ZNF35: variants seen among roughly 807,000 people sequenced by gnomAD.
ZNF35 encodes the protein zinc finger protein 35.
In ZNF35, 31 loss-of-function variants were observed where a neutral mutation model predicts 45.9. The ratio of observed to expected loss-of-function variants is 0.68; its 90% confidence interval spans 0.51 to 0.91. The LOEUF is 0.91. ZNF35 is among the 40% of genes least tolerant of loss of function. The pLI is 0.00. For missense variants in ZNF35, 515 were observed against 625.4 expected (o/e 0.82, Z 1.88); for synonymous variants, 205 against 220.2 (o/e 0.93, Z 0.61).
intron 3 of ZNF35, among the ~76,000 whole-genome samples, chr3:44,656,845 GCAC>G (rs947010372): frequency 3.3e-5 from 5 of 149,498 alleles, no homozygotes; most frequent in African/African-American, 9.9e-5. Context: ...CTACAGGCAT[GCAC>G]CACCACACCT....
intron 3 of ZNF35, among the ~76,000 whole-genome samples, chr3:44,656,237 C>A (rs1354013583): frequency 6.6e-6 from 1 of 151,766 alleles, no homozygotes; most frequent in African/African-American, 2.4e-5. Flanking sequence ...GATGAAGAGT[C>A]AGTAGGGGGT....
rs1226960586 is a variant in ZNF35, at chr3:44,658,678, G to C, written c.338-23G>C. 4.2e-5 allele frequency: 65 copies of C among 1,537,266 alleles called. 1 individual carries two copies. The Admixed American group carries it at 7.7e-4, about 18-fold the overall frequency. ...TCTAGGCCAGAGAAAGCTAACATTT[G>C]TATTTTCTGTTTCTTGGTTCAGGTG... On this transcript the variant is annotated intron_variant, in intron 3 of 3. Transcript: ENST00000396056.
Position 44,659,823 on chromosome 3 carries a change from C to T in ZNF35, c.1460C>T (p.Ser487Leu), listed in dbSNP as rs757971996. The part of the protein sequence containing the change: ...NECGKAFRQR[S>L]SLTVHQRTHT... ...TGTGGGAAGGCCTTCAGACAGAGGTCGAGCCTCACCGTGCACCAGAGAACC... is the reference window on the plus strand; with the variant it reads ...TGTGGGAAGGCCTTCAGACAGAGGTTGAGCCTCACCGTGCACCAGAGAACC... Residue 487 changes from serine to leucine, a missense_variant, in exon 4 of 4, where the codon TCG becomes TTG. By Grantham distance (145) the Ser-to-Leu change is moderately radical. Transcript: ENST00000396056. This position sits in a 1 kb window ranked among gnomAD's most constrained non-coding sequence, Gnocchi z 4.3. 8.7e-6 allele frequency: 14 copies of T among 1,613,802 alleles called. 1 individual carries two copies. The highest frequency in any genetic ancestry group is 3.3e-5 in the South Asian group (3 of 91,062).
intron 1 of ZNF35, among the ~76,000 whole-genome samples, 177 bp downstream of exon 1, chr3:44,649,011 T>TGGGGCCTGGTCCGGGAGA (rs1703113307): frequency 6.6e-6 from 1 of 152,152 alleles, no homozygotes; most frequent in Non-Finnish European, 1.5e-5. Context: ...GCTGCCCACC[T>TGGGGCCTGGTCCGGGAGA]GGGGCCTGGT....
chr3:44,647,111 T>C (rs961124185), upstream of ZNF35: 1 of 152,194 alleles, frequency 6.6e-6, no homozygotes, highest in Non-Finnish European at 1.5e-5. Flanking sequence ...GTAAACTACA[T>C]AAAGAACTTT....
chr3:44,654,804 T>G (rs528739972), intron 3 of ZNF35, among the ~76,000 whole-genome samples: 1 of 152,222 alleles, frequency 6.6e-6, no homozygotes, highest in African/African-American at 2.4e-5. Context: ...CTTTAACTTA[T>G]GTTCAGTTAA....
intron 3 of ZNF35, among the ~76,000 whole-genome samples, chr3:44,653,924 C>T (rs747449519): frequency 6.6e-6 from 1 of 152,204 alleles, no homozygotes; most frequent in African/African-American, 2.4e-5. Context: ...ACCAGTTCCT[C>T]AGGCATCTGG....
Position 44,658,759 on chromosome 3 carries a change from T to G in ZNF35, c.396T>G (p.Ala132=). 6.3e-7 allele frequency: 1 copy of G among 1,593,376 alleles called. No individual in the cohort carries two copies. Among genetic ancestry groups the G allele is most frequent in the Non-Finnish European group, 8.5e-7 (1 of 1,175,306 alleles). Reference sequence around the variant, plus strand: ...CAAAAACTGAGATATGTGAGGAAGCTGAAAAACCCCTCATCATATCAGAAA... The same window carrying G: ...CAAAAACTGAGATATGTGAGGAAGCGGAAAAACCCCTCATCATATCAGAAA... The part of the protein sequence containing the change: ...LVPKTEICEE[A]EKPLIISERI... Residue 132 remains alanine, a synonymous_variant, in exon 4 of 4, where the codon GCT becomes GCG. Coordinates refer to ENST00000396056, the MANE Select transcript of ZNF35 (RefSeq NM_003420.4).
chr3:44,659,949 A>G lies in ZNF35; in HGVS notation c.*2A>G, dbSNP rs139824648. On this transcript the variant is annotated 3_prime_UTR_variant, in exon 4 of 4. Transcript: ENST00000396056. This position sits in a 1 kb window ranked among gnomAD's most constrained non-coding sequence, Gnocchi z 4.3. Reference sequence around the variant, plus strand: ...CATAGAACCCATCTTGTTGAATAACAAGTAAGGAAGAGGAAGACCTCCAGC... The same window carrying G: ...CATAGAACCCATCTTGTTGAATAACGAGTAAGGAAGAGGAAGACCTCCAGC... 7.2e-6 allele frequency: 11 copies of G among 1,533,282 alleles called. No individual in the cohort carries two copies. In the East Asian group the frequency reaches 2.5e-4, roughly 35 times the overall value. 95.0% of individuals were successfully genotyped at this position (1,533,282 alleles called of 1,614,324 possible). A position where few individuals can be genotyped will look rare whatever the true frequency, so the allele number is the denominator to read the frequency against.
Position 44,658,929 on chromosome 3 carries a change from A to G in ZNF35, c.566A>G (p.Lys189Arg), listed in dbSNP as rs1433469989. 2 of 1,613,616 alleles carry G rather than the reference A, an allele frequency of 1.2e-6. No individual in the cohort carries two copies. Among genetic ancestry groups the G allele is most frequent in the African/African-American group, 2.7e-5 (2 of 74,818 alleles). Residue 189 changes from lysine (K) to arginine (R), a missense_variant, in exon 4 of 4, where the codon AAA becomes AGA. Lys to Arg is a conservative substitution (Grantham distance 26, BLOSUM62 2). Coordinates refer to ENST00000396056, the MANE Select transcript of ZNF35 (RefSeq NM_003420.4). ...GACTGTCACTTACCTGAAAGCTTCA[A>G]AGAAGAGGAAAACCAGAAATGTAAG... ...VNDCHLPESFKEEENQKCKKS... is the reference protein window; with the variant it reads ...VNDCHLPESFREEENQKCKKS...
In ZNF35 at chr3:44,659,615, TACGACTGCA is replaced by T; in HGVS notation, c.1253_1261del (p.Tyr418_Ser421delinsCys). 6.2e-7 allele frequency: 1 copy of T among 1,614,138 alleles called. No individual in the cohort carries two copies. The highest frequency in any genetic ancestry group is 8.5e-7 in the Non-Finnish European group (1 of 1,180,012). ...GAGAATTCACACTGCAGAGAAACCTTACGACTGCAGCGAATGTGGGAAAGCCTTCAGTCA... is the reference window on the plus strand; with the variant it reads ...GAGAATTCACACTGCAGAGAAACCTTGCGAATGTGGGAAAGCCTTCAGTCA... On this transcript the variant is annotated inframe_deletion, in exon 4 of 4. Transcript: ENST00000396056. This position sits in a 1 kb window ranked among gnomAD's most constrained non-coding sequence, Gnocchi z 4.3.
chr3:44,650,328 TAA>T lies in ZNF35; in HGVS notation c.-127-610_-127-609del, dbSNP rs543154184. ...CAAACAAAAAAAATGAAAAGAACCT[TAA>T]AACTACCTGTAATTACACCATCCAG... On this transcript the variant is annotated intron_variant, in intron 1 of 3. Transcript: ENST00000396056. Among the ~76,000 whole-genome samples, 25 of 152,280 alleles carry T rather than the reference TAA, an allele frequency of 1.6e-4. No homozygotes were observed. The South Asian group carries it at 5.0e-3, about 30-fold the overall frequency.
rs764969209 is a variant in ZNF35, at chr3:44,651,244, A to T, written c.177A>T (p.Ser59=). ...VQGLQTGLDG[S]EEEEKGQNIS... ...GTCTTCAGACAGGCCTTGATGGATC[A>T]GAAGAGGAAGAAAAGGTAAACGGGG... The change falls in exon 2 of 4, where the codon TCA becomes TCT. Residue 59 remains serine (S), a synonymous_variant. Transcript: ENST00000396056. The T allele has an allele frequency of 1.9e-6, 3 of 1,612,272 alleles. No homozygotes were observed. Among genetic ancestry groups the T allele is most frequent in the African/African-American group, 2.7e-5 (2 of 74,696 alleles).
At position 44,651,207 on chromosome 3, in the gene ZNF35, C is replaced by A; in HGVS notation, c.140C>A (p.Ala47Asp). 1 of 1,614,008 alleles carries A rather than the reference C, an allele frequency of 6.2e-7. No individual in the cohort carries two copies. The highest frequency in any genetic ancestry group is 8.5e-7 in the Non-Finnish European group (1 of 1,180,012). Residue 47 changes from alanine (A) to aspartate (D), a missense_variant, in exon 2 of 4, where the codon GCC (alanine) becomes GAC (aspartate). Physicochemically the swap from Ala to Asp is moderately radical, Grantham distance 126 (BLOSUM62 -2). Coordinates refer to ENST00000396056, the MANE Select transcript of ZNF35 (RefSeq NM_003420.4). ...CACTCCGAGAACATCAAAGTCTGGG[C>A]CCCAGTGCAGGGTCTTCAGACAGGC... ...QVHSENIKVW[A>D]PVQGLQTGLD...
intron 1 of ZNF35, 145 bp from the exon 2 acceptor site, chr3:44,650,796 A>G (rs1358059604): frequency 3.0e-6 from 1 of 332,806 alleles, no homozygotes; most frequent in Admixed American, 4.4e-5. Flanking sequence ...CCTTCATCCT[A>G]TGAGGGAGGA....
At chr3:44,657,258 G>A (rs1302444358) in intron 3 of ZNF35, among the ~76,000 whole-genome samples, 1 of 152,136 alleles carries the variant, frequency 6.6e-6, no homozygotes, top group East Asian at 1.9e-4. Context: ...ATGGGTGCTA[G>A]TCTCTCCCCT....
At chr3:44,654,929 T>C (rs1703270656) in intron 3 of ZNF35, among the ~76,000 whole-genome samples, 1 of 151,938 alleles carries the variant, frequency 6.6e-6, no homozygotes, top group Non-Finnish European at 1.5e-5. Flanking sequence ...ATATCAGGAG[T>C]TCGAGACCAG....
chr3:44,659,542 AGAGTGTG>A lies in ZNF35; in HGVS notation c.1181_1187del (p.Glu394GlyfsTer135), dbSNP rs1703366452. On this transcript the variant is annotated frameshift_variant, in exon 4 of 4. Transcript: ENST00000396056. LOFTEE classifies it high-confidence loss of function. The surrounding 1 kb of genome is among the most constrained non-coding windows in gnomAD (Gnocchi z 4.3). ...CTGGTGAGAAGCCATATGAGTGTAA[AGAGTGTG>A]GGAAAGCCTTTAGTTGTTTTTCACA... is the stretch of plus-strand genomic sequence containing the variant. 1.2e-6 allele frequency: 2 copies of A among 1,613,930 alleles called. No homozygotes were observed. Among genetic ancestry groups the A allele is most frequent in the African/African-American group, 2.7e-5 (2 of 74,888 alleles).
chr3:44,657,133 C>T (rs1445981581), intron 3 of ZNF35, among the ~76,000 whole-genome samples: 2 of 152,194 alleles, frequency 1.3e-5, no homozygotes, highest in African/African-American at 4.8e-5. Flanking sequence ...CTTAACCAGG[C>T]AATCAAACCA....
Sources: gnomAD v4.1 joint callset for allele counts (sites outside exome capture counted in the v4.1 genomes callset) on GRCh38, gnomAD v4.1.1 for gene constraint, Gnocchi (gnomAD v3.1) non-coding constraint, MANE v1.5 for transcripts, NCBI Gene and HGNC (gene_info 2026-07-23, HGNC 2026-07-21) for gene names.